SH2D4B: variants seen among roughly 807,000 people sequenced by gnomAD.
SH2D4B encodes SH2 domain-containing protein 4B.
SH2D4B carries 45 observed loss-of-function variants against 61.5 expected under a neutral mutation model. The ratio of observed to expected loss-of-function variants is 0.73; its 90% CI spans 0.58 to 0.94. SH2D4B has a LOEUF of 0.94. SH2D4B is among the 40% of genes least tolerant of loss of function. SH2D4B has a pLI of 0.00. For missense variants in SH2D4B, 572 were observed against 574.2 expected (o/e 1.00, Z 0.04); for synonymous variants, 224 against 220.4 (o/e 1.02, Z -0.14).
At chr10:80,640,629 T>G (rs1039501974) in intron 7 of SH2D4B, among the ~76,000 whole-genome samples, 1 of 152,248 alleles carries the variant, frequency 6.6e-6, no homozygotes, top group Non-Finnish European at 1.5e-5. Flanking sequence ...GCCATGAGTT[T>G]CAGCTCCATC....
intron 3 of SH2D4B, among the ~76,000 whole-genome samples, chr10:80,578,523 G>GAGCC (rs2132123414): frequency 1.3e-5 from 2 of 152,212 alleles, no homozygotes; most frequent in East Asian, 3.9e-4. Context: ...GCATGAGCAA[G>GAGCC]CACAAGAGAT....
rs375090537 is a variant in SH2D4B, at chr10:80,617,915, G to A, written c.988+8364G>A. ...AGTATTAGTCCCAATAGTCTGCTTT[G>A]TTGGGTCTGGGTTGGTCATATGTTC... On this transcript the variant is annotated intron_variant, in intron 6 of 7. Transcript: ENST00000646907. Among the ~76,000 whole-genome samples the A allele has an allele frequency of 2.0e-4, 31 of 152,346 alleles. No homozygotes were observed. The South Asian group carries it at 3.5e-3, about 17-fold the overall frequency.
At chr10:80,546,046 CTTT>C (rs577179576) in intron 1 of SH2D4B, among the ~76,000 whole-genome samples, 7 of 130,406 alleles carry the variant, frequency 5.4e-5, no homozygotes, top group Admixed American at 7.9e-5. Context: ...CTCTCTCTTT[CTTT>C]TTTTTTTTTT....
At chr10:80,586,185 G>A (rs917614456) in intron 3 of SH2D4B, among the ~76,000 whole-genome samples, 5 of 152,102 alleles carry the variant, frequency 3.3e-5, no homozygotes, top group African/African-American at 1.2e-4. Flanking sequence ...GTGCCGCCGA[G>A]CCTCCACGAC....
chr10:80,574,339 G>C (rs1842098646), intron 3 of SH2D4B, among the ~76,000 whole-genome samples: 1 of 152,118 alleles, frequency 6.6e-6, no homozygotes, highest in Non-Finnish European at 1.5e-5. Flanking sequence ...ATTTCACCAT[G>C]TTGCCCAGCT....
intron 4 of SH2D4B, among the ~76,000 whole-genome samples, chr10:80,599,764 T>C (rs1842429438): frequency 6.6e-6 from 1 of 152,142 alleles, no homozygotes. Context: ...CCAAACCCAT[T>C]CTTCCACCAA....
At chr10:80,570,683 T>G (rs940835320) in intron 2 of SH2D4B, among the ~76,000 whole-genome samples, 4 of 152,236 alleles carry the variant, frequency 2.6e-5, no homozygotes, top group African/African-American at 9.6e-5. Context: ...ACAAATTGAC[T>G]TATAGATCCA....
intron 7 of SH2D4B, among the ~76,000 whole-genome samples, chr10:80,638,747 T>G (rs888704491): frequency 3.9e-5 from 6 of 152,228 alleles, no homozygotes; most frequent in Non-Finnish European, 8.8e-5. Flanking sequence ...GCTCCTGGAT[T>G]CATTGATTTT....
At chr10:80,549,539 G>T (rs548641995) in intron 1 of SH2D4B, among the ~76,000 whole-genome samples, 1 of 152,128 alleles carries the variant, frequency 6.6e-6, no homozygotes, top group Non-Finnish European at 1.5e-5. Context: ...TAATGGGCAC[G>T]GTCTTTACTG....
At chr10:80,629,022 T>A (rs1454109763) in intron 6 of SH2D4B, among the ~76,000 whole-genome samples, 1 of 87,278 alleles carries the variant, frequency 1.1e-5, no homozygotes, top group African/African-American at 6.4e-5. Flanking sequence ...AGAGCGAGAC[T>A]CTATCTCAAA....
At chr10:80,635,212 A>G (rs1448637718) in intron 7 of SH2D4B, among the ~76,000 whole-genome samples, 3 of 152,142 alleles carry the variant, frequency 2.0e-5, no homozygotes, top group African/African-American at 7.2e-5. Flanking sequence ...CCTATATTGG[A>G]AAAGATGTTG....
rs77836356 is a variant in SH2D4B, at chr10:80,539,945, A to T, written c.184+1430A>T. 0.022 allele frequency among the ~76,000 whole-genome samples: 3,276 copies of T among 152,182 alleles called. 51 individuals carry two copies. The highest frequency in any genetic ancestry group is 0.045 in the Middle Eastern group (13 of 292). On this transcript the variant is annotated intron_variant, in intron 1 of 7. Transcript: ENST00000646907. The surrounding 1 kb of genome is among the most constrained non-coding windows in gnomAD (Gnocchi z 4.9). ...GGCTGCGCTGGCAGCTGCATCACTA[A>T]CTGGTGAAATGACAAGCCACCTTGC...
Position 80,597,383 on chromosome 10 carries a change from A to C in SH2D4B, c.644-6196A>C, listed in dbSNP as rs1842395893. On this transcript the variant is annotated intron_variant, in intron 4 of 7. Transcript: ENST00000646907. ...ATAGGTTTGTATAAAATACATGGGGAGGCCAGGCACAATGACTCATGCCTG... is the reference window on the plus strand; with the variant it reads ...ATAGGTTTGTATAAAATACATGGGGCGGCCAGGCACAATGACTCATGCCTG... Among the ~76,000 whole-genome samples, 7 of 152,202 alleles carry C rather than the reference A, an allele frequency of 4.6e-5. No individual in the cohort carries two copies. In the South Asian group the frequency reaches 1.4e-3, roughly 32 times the overall value.
At chr10:80,556,593 T>C (rs1437848171) in intron 1 of SH2D4B, among the ~76,000 whole-genome samples, 2 of 152,226 alleles carry the variant, frequency 1.3e-5, no homozygotes, top group Non-Finnish European at 2.9e-5. Flanking sequence ...TCAATTTCTT[T>C]CAGCAATGTT....
At chr10:80,543,889 G>A (rs12769231) in intron 1 of SH2D4B, among the ~76,000 whole-genome samples, 11,601 of 84,900 alleles carry the variant, frequency 0.14, no homozygotes, top group African/African-American at 0.32. Context: ...GTATCTAGCT[G>A]ATCTGGTGGG....
chr10:80,547,897 T>C (rs1011499964), intron 1 of SH2D4B, among the ~76,000 whole-genome samples: 2 of 152,064 alleles, frequency 1.3e-5, no homozygotes, highest in Non-Finnish European at 2.9e-5. Context: ...AGGCAGCTGG[T>C]GATGAATGAG....
intron 1 of SH2D4B, among the ~76,000 whole-genome samples, chr10:80,546,217 G>A (rs561125421): frequency 0.011 from 1,265 of 115,680 alleles, 6 homozygotes; most frequent in Non-Finnish European, 0.014. Flanking sequence ...GCTAATTTTT[G>A]TGTTTTTTTT....
intron 1 of SH2D4B, chr10:80,540,985 A>G: frequency 7.9e-7 from 1 of 1,269,954 alleles, no homozygotes; most frequent in Non-Finnish European, 1.1e-6. Flanking sequence ...GTCTTGAGAA[A>G]GAACTCGGGA....
At chr10:80,627,110 C>A (rs929674966) in intron 6 of SH2D4B, among the ~76,000 whole-genome samples, 1 of 152,056 alleles carries the variant, frequency 6.6e-6, no homozygotes, top group Non-Finnish European at 1.5e-5. Context: ...AACCTCTGTG[C>A]GTCAAAATGG....
Sources: allele counts gnomAD v4.1 joint callset (sites outside exome capture counted in the v4.1 genomes callset), GRCh38; gene constraint gnomAD v4.1.1; non-coding constraint Gnocchi (gnomAD v3.1); transcripts MANE v1.5; gene names NCBI Gene and HGNC (gene_info 2026-07-23, HGNC 2026-07-21).